Variants in HIVEP2 observed in about 807,000 individuals in gnomAD.
HIVEP2 encodes the protein transcription factor HIVEP2.
In HIVEP2, 14 loss-of-function variants were observed where a neutral mutation model predicts 180.7. The ratio of observed to expected loss-of-function variants is 0.08; its 90% confidence interval spans 0.05 to 0.12. The LOEUF is 0.12. Among genes scored for constraint, HIVEP2 ranks in the 10% least tolerant of loss-of-function variants. The pLI, the probability that HIVEP2 is intolerant of heterozygous loss-of-function variation, is 1.00. For synonymous variants in HIVEP2, 1,184 were observed against 1,136.4 expected, an observed-to-expected ratio of 1.04 and a Z score of -0.84; for missense variants, 2,579 against 3,008.5, an observed-to-expected ratio of 0.86 and a Z score of 3.34.
At chr6:142,881,239 T>G (rs1245732508) in intron 1 of HIVEP2, among the ~76,000 whole-genome samples, 1 of 152,216 alleles carries the variant, frequency 6.6e-6, no homozygotes, top group Non-Finnish European at 1.5e-5. Context: ...CCTTATCCAG[T>G]TCACACGAGT....
chr6:142,935,197 T>G (rs2128439759), intron 1 of HIVEP2, among the ~76,000 whole-genome samples: 1 of 152,310 alleles, frequency 6.6e-6, no homozygotes, highest in South Asian at 2.1e-4. Flanking sequence ...GATGGACACA[T>G]GGAGGCACTT....
chr6:142,820,297 T>TTCTCTCTCTC (rs3057563), intron 2 of HIVEP2, among the ~76,000 whole-genome samples: 25,585 of 148,186 alleles, frequency 0.17, 2,232 homozygotes, highest in East Asian at 0.23. Context: ...TCGCTCTCTC[T>TTCTCTCTCTC]TCTCTCTCTC....
At chr6:142,842,753 A>T (rs1285171478) in intron 1 of HIVEP2, among the ~76,000 whole-genome samples, 2 of 152,082 alleles carry the variant, frequency 1.3e-5, no homozygotes. Flanking sequence ...AAAAAAAAAA[A>T]GTAACTAAGG....
intron 2 of HIVEP2, among the ~76,000 whole-genome samples, chr6:142,829,037 A>G (rs1426054963): frequency 6.6e-6 from 1 of 151,954 alleles, no homozygotes; most frequent in African/African-American, 2.4e-5. Context: ...GACTATCCCA[A>G]TAGCTTCCTA....
chr6:142,897,895 C>T (rs1777038933), intron 1 of HIVEP2, among the ~76,000 whole-genome samples: 1 of 152,198 alleles, frequency 6.6e-6, no homozygotes, highest in Non-Finnish European at 1.5e-5. Flanking sequence ...TCTATAGATG[C>T]TAAGATCCTG....
At chr6:142,801,560 T>A (rs1186737206) in intron 2 of HIVEP2, among the ~76,000 whole-genome samples, 1 of 152,092 alleles carries the variant, frequency 6.6e-6, no homozygotes, top group Non-Finnish European at 1.5e-5. Context: ...CCAGATCTAG[T>A]ATTTCCACAT....
At chr6:142,860,864 A>T (rs1340391473) in intron 1 of HIVEP2, among the ~76,000 whole-genome samples, 2 of 152,186 alleles carry the variant, frequency 1.3e-5, no homozygotes, top group Admixed American at 1.3e-4. Context: ...TAGTAGCTTT[A>T]TTCCGCACAA....
At chr6:142,825,214 T>C (rs1774851153) in intron 2 of HIVEP2, among the ~76,000 whole-genome samples, 1 of 152,132 alleles carries the variant, frequency 6.6e-6, no homozygotes, top group South Asian at 2.1e-4. Context: ...AAGATCTCTA[T>C]GGGGTCTTGA....
At chr6:142,927,274 C>A (rs1225704830) in intron 1 of HIVEP2, among the ~76,000 whole-genome samples, 1 of 152,188 alleles carries the variant, frequency 6.6e-6, no homozygotes, top group Non-Finnish European at 1.5e-5. Context: ...ACTGGCCGGG[C>A]GCACTTTCCT....
intron 1 of HIVEP2, among the ~76,000 whole-genome samples, chr6:142,850,873 G>A (rs1775651654): frequency 6.6e-6 from 1 of 152,176 alleles, no homozygotes; most frequent in African/African-American, 2.4e-5. Context: ...CCTGAACACT[G>A]TCGCAGGACA....
intron 1 of HIVEP2, among the ~76,000 whole-genome samples, chr6:142,901,695 T>C (rs1385440614): frequency 6.6e-6 from 1 of 152,170 alleles, no homozygotes; most frequent in Non-Finnish European, 1.5e-5. Context: ...TATCACACAT[T>C]CTCATAATCT....
At chr6:142,878,588 A>G (rs1030971619) in intron 1 of HIVEP2, among the ~76,000 whole-genome samples, 1 of 152,168 alleles carries the variant, frequency 6.6e-6, no homozygotes, top group African/African-American at 2.4e-5. Flanking sequence ...TCCAAGTTCC[A>G]TATGAGACAA....
chr6:142,791,582 A>C (rs1362918570), intron 2 of HIVEP2, among the ~76,000 whole-genome samples: 1 of 152,204 alleles, frequency 6.6e-6, no homozygotes, highest in East Asian at 1.9e-4. Flanking sequence ...GCAATTCCAG[A>C]ATTCCATCTG....
chr6:142,872,336 A>G (rs551507922), intron 1 of HIVEP2, among the ~76,000 whole-genome samples: 3 of 152,306 alleles, frequency 2.0e-5, no homozygotes, highest in African/African-American at 7.2e-5. Context: ...AGTCTTTGGA[A>G]TCGCTTCCAT....
chr6:142,944,080 T>C (rs752462432), intron 1 of HIVEP2, among the ~76,000 whole-genome samples: 7 of 152,196 alleles, frequency 4.6e-5, no homozygotes, highest in Non-Finnish European at 1.0e-4. Context: ...TTTAGTTAGA[T>C]GCTTTTAAGT....
intron 2 of HIVEP2, among the ~76,000 whole-genome samples, chr6:142,811,116 C>T (rs532102872): frequency 6.6e-6 from 1 of 152,154 alleles, no homozygotes; most frequent in East Asian, 1.9e-4. Flanking sequence ...AAACCAATGT[C>T]ATTACATTCA....
chr6:142,770,626 CTCA>C lies in HIVEP2; in HGVS notation c.4110_4112del (p.Asp1370del). On this transcript the variant is annotated inframe_deletion, in exon 5 of 10. Coordinates refer to ENST00000367603, the MANE Select transcript of HIVEP2 (RefSeq NM_006734.4). This position sits in a 1 kb window ranked among gnomAD's most constrained non-coding sequence, Gnocchi z 4.7. ...TGACCAGTGTCCTTTGGGTCATATT[CTCA>C]TCGACTTTGCATATGACAATGGCAG... is the stretch of plus-strand genomic sequence containing the variant. 1 of 1,614,240 alleles carries C rather than the reference CTCA, an allele frequency of 6.2e-7. No individual in the cohort carries two copies. The highest frequency in any genetic ancestry group is 8.5e-7 in the Non-Finnish European group (1 of 1,180,042).
At chr6:142,886,099 T>C (rs575388260) in intron 1 of HIVEP2, among the ~76,000 whole-genome samples, 1 of 152,344 alleles carries the variant, frequency 6.6e-6, no homozygotes, top group Non-Finnish European at 1.5e-5. Flanking sequence ...TTTGCAGTTA[T>C]CTTTTTCATG....
intron 2 of HIVEP2, among the ~76,000 whole-genome samples, chr6:142,801,535 G>A (rs771668807): frequency 1.3e-5 from 2 of 151,610 alleles, no homozygotes; most frequent in Admixed American, 6.6e-5. Context: ...GAATCTAAGC[G>A]AATTCTCTTT....
Sources: allele counts gnomAD v4.1 joint callset (sites outside exome capture counted in the v4.1 genomes callset), GRCh38; gene constraint gnomAD v4.1.1; non-coding constraint Gnocchi (gnomAD v3.1); transcripts MANE v1.5; gene names NCBI Gene and HGNC (gene_info 2026-07-23, HGNC 2026-07-21).